Variants in PTPN9 observed in about 807,000 individuals in gnomAD.
The protein encoded by PTPN9 is tyrosine-protein phosphatase non-receptor type 9.
A neutral mutation model predicts 69.8 loss-of-function variants in PTPN9; 26 were observed. The observed-to-expected ratio is 0.37, with a 90% CI of 0.27 to 0.52. PTPN9 has a LOEUF of 0.52. Ranked by LOEUF, PTPN9 falls within the 20% of genes least tolerant of loss-of-function variation. The pLI, the probability that PTPN9 is intolerant of heterozygous loss-of-function variation, is 0.91. For synonymous variants in PTPN9, 274 were observed against 272.5 expected (o/e 1.01, Z -0.05); for missense variants, 549 against 740.3 (o/e 0.74, Z 3.00).
intron 5 of PTPN9, among the ~76,000 whole-genome samples, chr15:75,515,633 C>T (rs1366245039): frequency 6.6e-6 from 1 of 151,806 alleles, no homozygotes; most frequent in Non-Finnish European, 1.5e-5. Context: ...CGCAGTGGCT[C>T]ACGCCTGTAA....
intron 1 of PTPN9, among the ~76,000 whole-genome samples, chr15:75,532,428 TTTTC>T (rs1434695659): frequency 6.6e-6 from 1 of 152,090 alleles, no homozygotes; most frequent in Non-Finnish European, 1.5e-5. Context: ...AACTTTTCAT[TTTTC>T]ATAAATAAAC....
chr15:75,514,771 G>A (rs996379668), intron 5 of PTPN9, among the ~76,000 whole-genome samples: 1 of 152,022 alleles, frequency 6.6e-6, no homozygotes, highest in Non-Finnish European at 1.5e-5. Flanking sequence ...CACAGAAGAA[G>A]AAAAAATATA....
chr15:75,476,644 C>T (rs2074598423), intron 9 of PTPN9, among the ~76,000 whole-genome samples: 1 of 152,134 alleles, frequency 6.6e-6, no homozygotes, highest in African/African-American at 2.4e-5. Context: ...CCTATATCTG[C>T]ATGTATGCAT....
intron 7 of PTPN9, among the ~76,000 whole-genome samples, chr15:75,501,239 C>T (rs1285596418): frequency 6.6e-6 from 1 of 152,114 alleles, no homozygotes; most frequent in Non-Finnish European, 1.5e-5. Context: ...AAGAGGTACT[C>T]ACAGAATCCT....
chr15:75,568,535 A>C lies in PTPN9; in HGVS notation c.63+10179T>G, dbSNP rs556307396. Among the ~76,000 whole-genome samples, 232 of 147,576 alleles carry C rather than the reference A, an allele frequency of 1.6e-3. 1 individual carries two copies. The highest frequency in any genetic ancestry group is 3.9e-3 in the East Asian group (19 of 4,860). ...AAAAAAAAAAAAAAACAAAACAAAA[A>C]AAAAACAACCTAATGCTGGATGGAC... On this transcript the variant is annotated intron_variant, in intron 1 of 12. Transcript: ENST00000618819.
At chr15:75,534,738 C>T (rs573573649) in intron 1 of PTPN9, among the ~76,000 whole-genome samples, 12 of 150,892 alleles carry the variant, frequency 8.0e-5, no homozygotes, top group Non-Finnish European at 1.3e-4. Context: ...CTTGGGAGGC[C>T]GAGGCAGGTG....
At chr15:75,495,716 A>C (rs1285696511) in intron 7 of PTPN9, among the ~76,000 whole-genome samples, 1 of 151,844 alleles carries the variant, frequency 6.6e-6, no homozygotes, top group Non-Finnish European at 1.5e-5. Flanking sequence ...CAACAACCAC[A>C]ACAACAAAAC....
intron 4 of PTPN9, among the ~76,000 whole-genome samples, chr15:75,522,645 T>C (rs999577951): frequency 6.6e-6 from 1 of 152,088 alleles, no homozygotes; most frequent in African/African-American, 2.4e-5. Flanking sequence ...CTTCAAGCAA[T>C]CCACCTGCTT....
rs1396618018 is a variant in PTPN9 at position 75,468,846 on chromosome 15, T to G, written c.1705A>C (p.Lys569Gln). Residue 569 changes from lysine to glutamine, a missense_variant, in exon 13 of 13, where the codon AAG (lysine) becomes CAG (glutamine). Physicochemically the swap from Lys to Gln is moderately conservative, Grantham distance 53. Around this residue, in one of 3 missense-constraint regions of PTPN9, gnomAD observed 457 missense variants for 661.9 expected, o/e 0.69. Coordinates refer to ENST00000618819, the MANE Select transcript of PTPN9 (RefSeq NM_002833.4). ...QTPEQYYFCYKAILEFAEKEG... is the reference protein window; with the variant it reads ...QTPEQYYFCYQAILEFAEKEG... ...TTCTCTGCGAACTCCAGGATGGCCTTGTAGCAAAAATAGTACTGCTCAGGG... is the reference window on the plus strand; with the variant it reads ...TTCTCTGCGAACTCCAGGATGGCCTGGTAGCAAAAATAGTACTGCTCAGGG... 1 of 1,614,002 alleles carries G rather than the reference T, an allele frequency of 6.2e-7. No homozygotes were observed.
At chr15:75,551,081 C>A (rs2075054852) in intron 1 of PTPN9, among the ~76,000 whole-genome samples, 1 of 152,020 alleles carries the variant, frequency 6.6e-6, no homozygotes, top group Admixed American at 6.6e-5. Flanking sequence ...TCCAACAGGC[C>A]CATTTGTAGA....
At chr15:75,530,872 G>A (rs901579655) in intron 1 of PTPN9, among the ~76,000 whole-genome samples, 140 of 77,992 alleles carry the variant, frequency 1.8e-3, no homozygotes, top group South Asian at 8.8e-3. Context: ...TATATATTAC[G>A]ATATATTATA....
At chr15:75,561,728 AGAAAGAGT>A (rs2075104843) in intron 1 of PTPN9, among the ~76,000 whole-genome samples, 1 of 151,824 alleles carries the variant, frequency 6.6e-6, no homozygotes, top group Non-Finnish European at 1.5e-5. Flanking sequence ...CTTTTATTTG[AGAAAGAGT>A]TTCGCTTTTG....
At chr15:75,578,173 G>C (rs1388655989) in intron 1 of PTPN9, among the ~76,000 whole-genome samples, 1 of 152,156 alleles carries the variant, frequency 6.6e-6, no homozygotes, top group Non-Finnish European at 1.5e-5. Flanking sequence ...GAGAAGGGCT[G>C]GATCTTCCAT....
At chr15:75,547,053 T>TG (rs2075036203) in intron 1 of PTPN9, among the ~76,000 whole-genome samples, 2 of 151,568 alleles carry the variant, frequency 1.3e-5, no homozygotes, top group South Asian at 4.2e-4. Context: ...CCCAGCACTT[T>TG]GGGAGGCCTG....
chr15:75,477,556 C>T (rs2074603007), intron 9 of PTPN9, among the ~76,000 whole-genome samples: 1 of 152,156 alleles, frequency 6.6e-6, no homozygotes, highest in South Asian at 2.1e-4. Context: ...GATCATGTCA[C>T]TGCACTCCAG....
At chr15:75,520,484 G>A (rs4886711) in intron 4 of PTPN9, among the ~76,000 whole-genome samples, 6,263 of 62,830 alleles carry the variant, frequency 0.1, 407 homozygotes, top group African/African-American at 0.28. Flanking sequence ...ATAGATAGAT[G>A]TGTGTGTGTT....
intron 1 of PTPN9, among the ~76,000 whole-genome samples, chr15:75,548,863 C>T (rs924418674): frequency 1.3e-5 from 2 of 151,882 alleles, no homozygotes; most frequent in Admixed American, 1.3e-4. Flanking sequence ...CCGTGTTAGC[C>T]AGAATGGTCT....
At position 75,490,297 on chromosome 15, in the gene PTPN9, G is replaced by A. The variant is rs770259983; in HGVS notation, c.973C>T (p.Pro325Ser). 1.9e-6 allele frequency: 3 copies of A among 1,606,000 alleles called. No homozygotes were observed. In the African/African-American group the frequency reaches 4.0e-5, roughly 21 times the overall value. The change falls in exon 8 of 13, where the codon CCA (proline) becomes TCA (serine). Residue 325 changes from proline (P) to serine (S), a missense_variant. Physicochemically the swap from Pro to Ser is moderately conservative, Grantham distance 74. Coordinates refer to ENST00000618819, the MANE Select transcript of PTPN9 (RefSeq NM_002833.4). ...TAACGGTTTTTCTCTAGGTTTCCTG[G>A]AGACCTGAAGGAAACGAAACAAACA... is the stretch of plus-strand genomic sequence containing the variant. ...PVGTFHCSMS[P>S]GNLEKNRYGD...
At chr15:75,496,691 T>C (rs1013949785) in intron 7 of PTPN9, among the ~76,000 whole-genome samples, 1 of 151,864 alleles carries the variant, frequency 6.6e-6, no homozygotes. Context: ...GAGACAGGGT[T>C]TCCACCTGTC....
Sources: gnomAD v4.1 joint callset for allele counts (sites outside exome capture counted in the v4.1 genomes callset) on GRCh38, gnomAD v4.1.1 for gene constraint, gnomAD v4.1.1 regional missense constraint, MANE v1.5 for transcripts, NCBI Gene and HGNC (gene_info 2026-07-23, HGNC 2026-07-21) for gene names.